The following IST1 variants were observed in gnomAD, a reference collection of about 807,000 sequenced individuals.
The protein encoded by IST1 is IST1 homolog.
In IST1, 23 loss-of-function variants were observed where a neutral mutation model predicts 37.0. The observed-to-expected ratio is 0.62, with a 90% CI of 0.45 to 0.88. IST1 has a LOEUF of 0.88. IST1 is among the 40% of genes least tolerant of loss of function. The pLI is 0.00. For synonymous variants in IST1, 180 were observed against 161.7 expected (o/e 1.11, Z -0.86); for missense variants, 488 against 445.4 (o/e 1.10, Z -0.86).
At chr16:71,923,042 CG>C (rs1408038735) in intron 7 of IST1, 14 of 464,224 alleles carry the variant, frequency 3.0e-5, no homozygotes, top group Non-Finnish European at 4.2e-5. Context: ...AAGAAAGTCT[CG>C]TTAGAGTTTT....
intron 9 of IST1, among the ~76,000 whole-genome samples, chr16:71,927,211 T>A (rs1250317556): frequency 2.0e-5 from 3 of 152,078 alleles, no homozygotes; most frequent in Admixed American, 1.3e-4. Flanking sequence ...AGAATTAACT[T>A]TTTTTTAGCC....
chr16:71,895,724 G>C (rs1293726846), intron 1 of IST1, 135 bp downstream of exon 1: 1 of 223,450 alleles, frequency 4.5e-6, no homozygotes, highest in Non-Finnish European at 7.5e-6. Flanking sequence ...AGAAAGGGAA[G>C]GATAGTGGAA....
intron 1 of IST1, among the ~76,000 whole-genome samples, chr16:71,913,333 A>T (rs146858824): frequency 1.2e-4 from 18 of 150,572 alleles, no homozygotes; most frequent in African/African-American, 4.4e-4. Flanking sequence ...TCTCATTGTG[A>T]TTTCATTTTG....
intron 2 of IST1, 148 bp from the exon 3 acceptor site, chr16:71,916,314 C>T (rs2037464955): frequency 4.2e-6 from 3 of 713,972 alleles, no homozygotes; most frequent in South Asian, 2.0e-5. Context: ...GCAAATTCTA[C>T]AGTAGAGGGG....
chr16:71,914,947 C>T (rs139201889), intron 1 of IST1, among the ~76,000 whole-genome samples: 1 of 152,124 alleles, frequency 6.6e-6, no homozygotes, highest in Non-Finnish European at 1.5e-5. Flanking sequence ...GTTTTGTTTA[C>T]TGTAACTCTG....
chr16:71,924,298 C>G (rs1021132208), intron 8 of IST1: 1 of 406,248 alleles, frequency 2.5e-6, no homozygotes, highest in Non-Finnish European at 4.9e-6. Flanking sequence ...ATTTTTTTTT[C>G]TCTGCTTGGC....
Position 71,921,324 on chromosome 16 carries a change from T to C in IST1, c.442-19T>C. 4 of 1,495,926 alleles carry C rather than the reference T, an allele frequency of 2.7e-6. No homozygotes were observed. Among genetic ancestry groups the C allele is most frequent in the Non-Finnish European group, 3.7e-6 (4 of 1,073,678 alleles). The allele number at this position is 1,495,926 out of a possible 1,614,324, so 92.7% of individuals were successfully genotyped here. On this transcript the variant is annotated intron_variant, in intron 5 of 9. Coordinates refer to ENST00000378799, the MANE Select transcript of IST1 (RefSeq NM_001270975.2). ...GGTTGGTATACATGCATCTTAGCCCTGGGTCTTTTTACTTACAGCTAATGC... is the reference window on the plus strand; with the variant it reads ...GGTTGGTATACATGCATCTTAGCCCCGGGTCTTTTTACTTACAGCTAATGC...
chr16:71,923,148 G>T (rs2037649707), intron 7 of IST1, 140 bp from the exon 8 acceptor site: 4 of 499,612 alleles, frequency 8.0e-6, no homozygotes, highest in East Asian at 3.4e-5. Flanking sequence ...TGGTCCTTTT[G>T]GGCATTTTTA....
chr16:71,894,843 C>G (rs1290146176), upstream of IST1: 15 of 1,533,518 alleles, frequency 9.8e-6, no homozygotes, highest in African/African-American at 1.5e-4. Context: ...TAATGGTTTT[C>G]AAGTTAAAAA....
intron 1 of IST1, among the ~76,000 whole-genome samples, chr16:71,908,312 T>TTG (rs2037273705): frequency 7.0e-6 from 1 of 143,516 alleles, no homozygotes; most frequent in Admixed American, 6.9e-5. Flanking sequence ...TTTTTTTTTT[T>TTG]TTTTTTGGAG....
intron 1 of IST1, among the ~76,000 whole-genome samples, chr16:71,897,867 C>A (rs1043815615): frequency 6.6e-6 from 1 of 152,056 alleles, no homozygotes; most frequent in Non-Finnish European, 1.5e-5. Flanking sequence ...ATTGCTTGCT[C>A]GAACCCGAGA....
At chr16:71,902,222 A>G (rs2037123946) in intron 1 of IST1, among the ~76,000 whole-genome samples, 1 of 152,144 alleles carries the variant, frequency 6.6e-6, no homozygotes, top group African/African-American at 2.4e-5. Context: ...TTTGCCAGAG[A>G]AGCCACCTGG....
intron 6 of IST1, 81 bp downstream of exon 6, chr16:71,921,534 C>A: frequency 1.2e-6 from 1 of 808,320 alleles, no homozygotes; most frequent in Non-Finnish European, 2.1e-6. Context: ...ATTCTTTGCA[C>A]TAACTTAAAT....
chr16:71,924,358 C>G (rs1025088323), intron 8 of IST1: 3 of 373,536 alleles, frequency 8.0e-6, no homozygotes, highest in Non-Finnish European at 1.0e-5. Flanking sequence ...GCCTGTAATC[C>G]CAGCACTTTG....
intron 1 of IST1, among the ~76,000 whole-genome samples, chr16:71,897,003 C>T (rs943562478): frequency 6.6e-6 from 1 of 151,930 alleles, no homozygotes; most frequent in Admixed American, 6.6e-5. Context: ...AAAACACTTC[C>T]TCTTTTTTTG....
At chr16:71,913,078 C>T (rs1157218851) in intron 1 of IST1, among the ~76,000 whole-genome samples, 1 of 152,196 alleles carries the variant, frequency 6.6e-6, no homozygotes, top group Non-Finnish European at 1.5e-5. Flanking sequence ...ATGCAAATAG[C>T]TCTTTAAAGT....
intron 3 of IST1, 102 bp downstream of exon 3, chr16:71,916,744 T>C: frequency 1.0e-6 from 1 of 981,738 alleles, no homozygotes; most frequent in Non-Finnish European, 1.5e-6. Context: ...TGCCCAAGGA[T>C]CTGCTGCCTA....
At chr16:71,898,509 C>A (rs2037028764) in intron 1 of IST1, among the ~76,000 whole-genome samples, 1 of 151,418 alleles carries the variant, frequency 6.6e-6, no homozygotes, top group East Asian at 1.9e-4. Flanking sequence ...CATGGTGAAA[C>A]CCCCTCTCTA....
chr16:71,901,126 C>G (rs1262884157), intron 1 of IST1, among the ~76,000 whole-genome samples: 1 of 152,086 alleles, frequency 6.6e-6, no homozygotes, highest in Non-Finnish European at 1.5e-5. Flanking sequence ...ATTAATGTTC[C>G]TAATCATACA....
Sources: allele counts gnomAD v4.1 joint callset (sites outside exome capture counted in the v4.1 genomes callset), GRCh38; gene constraint gnomAD v4.1.1; transcripts MANE v1.5; gene names NCBI Gene and HGNC (gene_info 2026-07-23, HGNC 2026-07-21).